The following POU6F2 variants were observed in gnomAD, a reference collection of about 807,000 sequenced individuals.
POU6F2 encodes the protein POU domain, class 6, transcription factor 2.
POU6F2 carries 31 observed loss-of-function variants against 71.3 expected under a neutral mutation model. That is an observed-to-expected ratio of 0.43 (90% CI 0.33 to 0.59). The LOEUF is 0.59. Among genes scored for constraint, POU6F2 ranks in the 20% least tolerant of loss-of-function variants. The pLI, the probability that POU6F2 is intolerant of heterozygous loss-of-function variation, is 0.04. For synonymous variants in POU6F2, 347 were observed against 355.7 expected (o/e 0.98, Z 0.27); for missense variants, 783 against 856.8 (o/e 0.91, Z 1.07).
At chr7:39,391,378 C>T (rs572973363) in intron 5 of POU6F2, among the ~76,000 whole-genome samples, 3 of 151,744 alleles carry the variant, frequency 2.0e-5, no homozygotes, top group South Asian at 2.1e-4. Context: ...CTTTTTTTTA[C>T]ACTGAGCCAT....
intron 6 of POU6F2, among the ~76,000 whole-genome samples, chr7:39,421,110 T>G (rs1787840108): frequency 6.6e-6 from 1 of 152,162 alleles, no homozygotes; most frequent in Non-Finnish European, 1.5e-5. Flanking sequence ...GGGATAAGGC[T>G]GCAGATTGTT....
chr7:39,014,701 G>A (rs181351326), intron 1 of POU6F2, among the ~76,000 whole-genome samples: 1 of 152,046 alleles, frequency 6.6e-6, no homozygotes, highest in Admixed American at 6.5e-5. Context: ...GCTTAGACCT[G>A]GAAAGAAAAT....
intron 1 of POU6F2, among the ~76,000 whole-genome samples, chr7:39,067,137 T>C (rs975132069): frequency 4.8e-5 from 7 of 145,382 alleles, no homozygotes; most frequent in African/African-American, 1.8e-4. Flanking sequence ...GGTTCAAAAA[T>C]AGACCTGGAA....
intron 4 of POU6F2, among the ~76,000 whole-genome samples, chr7:39,282,850 G>C (rs1042480880): frequency 6.6e-6 from 1 of 152,014 alleles, no homozygotes. Flanking sequence ...GGATTGCATT[G>C]AATCTATAGA....
chr7:39,328,845 T>C (rs1785576253), intron 4 of POU6F2, among the ~76,000 whole-genome samples: 2 of 152,210 alleles, frequency 1.3e-5, no homozygotes, highest in Admixed American at 1.3e-4. Flanking sequence ...AGATAGGGCA[T>C]GGCCTCCGAC....
chr7:39,015,861 A>AT (rs1491232563), intron 1 of POU6F2, among the ~76,000 whole-genome samples: 1 of 57,236 alleles, frequency 1.7e-5, no homozygotes, highest in African/African-American at 7.1e-5. Context: ...AGATATATAT[A>AT]ATATATTATA....
intron 4 of POU6F2, among the ~76,000 whole-genome samples, chr7:39,209,320 C>CT (rs1163515920): frequency 6.6e-6 from 1 of 152,122 alleles, no homozygotes; most frequent in African/African-American, 2.4e-5. Context: ...AAAGTTCTTG[C>CT]TTTTCTTATC....
At chr7:39,249,704 A>G (rs568846212) in intron 4 of POU6F2, among the ~76,000 whole-genome samples, 50 of 152,320 alleles carry the variant, frequency 3.3e-4, no homozygotes, top group Middle Eastern at 3.4e-3. Flanking sequence ...TTATCAAAAA[A>G]TAATCCCAAG....
chr7:39,076,074 A>G (rs1790997435), intron 1 of POU6F2, among the ~76,000 whole-genome samples: 1 of 152,158 alleles, frequency 6.6e-6, no homozygotes, highest in African/African-American at 2.4e-5. Context: ...CCTCGGCTTC[A>G]TATTATGTAG....
At chr7:39,191,318 A>G (rs1004602089) in intron 2 of POU6F2, among the ~76,000 whole-genome samples, 1 of 152,222 alleles carries the variant, frequency 6.6e-6, no homozygotes, top group Non-Finnish European at 1.5e-5. Context: ...ATAAAATATG[A>G]CATCTATTTT....
chr7:39,163,358 T>C (rs959479983), intron 2 of POU6F2, among the ~76,000 whole-genome samples: 3 of 152,190 alleles, frequency 2.0e-5, no homozygotes, highest in African/African-American at 7.2e-5. Context: ...AGTAGTTTCA[T>C]GGAAGGAGTA....
intron 2 of POU6F2, among the ~76,000 whole-genome samples, chr7:39,096,891 A>G (rs1399432926): frequency 6.6e-6 from 1 of 152,258 alleles, no homozygotes; most frequent in Non-Finnish European, 1.5e-5. Context: ...ATTAGCTTAT[A>G]TAATGAAATA....
At chr7:39,321,078 C>T (rs1282239465) in intron 4 of POU6F2, among the ~76,000 whole-genome samples, 3 of 138,840 alleles carry the variant, frequency 2.2e-5, no homozygotes, top group Non-Finnish European at 3.1e-5. Flanking sequence ...AATAACAATT[C>T]TTCTATAACA....
intron 4 of POU6F2, among the ~76,000 whole-genome samples, chr7:39,211,904 C>T (rs1240174271): frequency 1.3e-5 from 2 of 152,126 alleles, no homozygotes; most frequent in Admixed American, 6.5e-5. Flanking sequence ...ACCATGATTC[C>T]GGTTCACTCA....
At chr7:39,273,650 A>G (rs1243391714) in intron 4 of POU6F2, among the ~76,000 whole-genome samples, 1 of 152,138 alleles carries the variant, frequency 6.6e-6, no homozygotes, top group East Asian at 1.9e-4. Context: ...ACAACTGGAA[A>G]AAGCCTGTAA....
At chr7:39,334,657 C>A (rs546971333) in intron 4 of POU6F2, among the ~76,000 whole-genome samples, 2 of 152,322 alleles carry the variant, frequency 1.3e-5, no homozygotes, top group Admixed American at 1.3e-4. Flanking sequence ...GATACCCTTA[C>A]TGGGGACACC....
intron 1 of POU6F2, among the ~76,000 whole-genome samples, chr7:39,029,602 A>C (rs1006911947): frequency 6.6e-6 from 1 of 151,998 alleles, no homozygotes; most frequent in African/African-American, 2.4e-5. Flanking sequence ...TACCCGTGTA[A>C]CAAAATTATA....
intron 4 of POU6F2, among the ~76,000 whole-genome samples, chr7:39,302,461 T>C (rs1457050034): frequency 2.0e-5 from 3 of 152,228 alleles, no homozygotes; most frequent in African/African-American, 4.8e-5. Flanking sequence ...TCCACATTGG[T>C]ATCACTGAAT....
intron 6 of POU6F2, among the ~76,000 whole-genome samples, chr7:39,428,140 C>G (rs926069277): frequency 6.6e-6 from 1 of 152,206 alleles, no homozygotes; most frequent in Non-Finnish European, 1.5e-5. Context: ...TAGTGATAGT[C>G]ACATTTGGGC....
Sources: allele counts gnomAD v4.1 joint callset (sites outside exome capture counted in the v4.1 genomes callset), GRCh38; gene constraint gnomAD v4.1.1; transcripts MANE v1.5; gene names NCBI Gene and HGNC (gene_info 2026-07-23, HGNC 2026-07-21).